Variants in NSUN4 observed in about 807,000 individuals in gnomAD.
NSUN4 encodes the protein 5-cytosine rRNA methyltransferase NSUN4.
Under a neutral mutation model 43.8 loss-of-function variants are expected in NSUN4, and 31 were observed. The ratio of observed to expected loss-of-function variants is 0.71; its 90% CI spans 0.53 to 0.96. The LOEUF is 0.96. Among genes scored for constraint, NSUN4 ranks in the 40% least tolerant of loss-of-function variants. The pLI is 0.00. For missense variants in NSUN4, 439 were observed against 475.6 expected (o/e 0.92, Z 0.72); for synonymous variants, 167 against 184.1 (o/e 0.91, Z 0.75).
chr1:46,361,967 T>C lies in NSUN4; in HGVS notation c.*121T>C, dbSNP rs1569773681. The C allele has an allele frequency of 1.1e-6, 1 of 891,862 alleles. No homozygotes were observed. Among genetic ancestry groups the C allele is most frequent in the African/African-American group, 1.7e-5 (1 of 59,596 alleles). The allele number at this position is 891,862 out of a possible 1,614,324, so 55.2% of individuals were successfully genotyped here. Reference sequence around the variant, plus strand: ...GTCCTGTCTCCATCCTGTTCGTGTCTTTCTGCAGTTTTCGGCAATAAGAAG... The same window carrying C: ...GTCCTGTCTCCATCCTGTTCGTGTCCTTCTGCAGTTTTCGGCAATAAGAAG... On this transcript the variant is annotated 3_prime_UTR_variant, in exon 6 of 6. Coordinates refer to ENST00000474844, the MANE Select transcript of NSUN4 (RefSeq NM_199044.4).
At chr1:46,348,709 C>CAAA (rs34999763) in intron 3 of NSUN4, among the ~76,000 whole-genome samples, 13 of 52,128 alleles carry the variant, frequency 2.5e-4, no homozygotes, top group Non-Finnish European at 3.2e-4. Flanking sequence ...AACTCTGTCT[C>CAAA]AAAAAAAAAA....
At chr1:46,382,266 C>T in the NSUN4 span, among the ~76,000 whole-genome samples, 1 of 152,250 alleles carries the variant, frequency 6.6e-6, no homozygotes, top group African/African-American at 2.4e-5. Flanking sequence ...CCGCACAAAG[C>T]ACTTACCTGT....
intron 3 of NSUN4, among the ~76,000 whole-genome samples, chr1:46,351,337 C>T (rs886657502): frequency 1.3e-5 from 2 of 152,152 alleles, no homozygotes; most frequent in Non-Finnish European, 2.9e-5. Context: ...GCACTCTAGC[C>T]TGGGCAACAA....
the NSUN4 span, among the ~76,000 whole-genome samples, chr1:46,383,447 T>G: frequency 1.5e-5 from 2 of 135,166 alleles, no homozygotes; most frequent in Admixed American, 7.3e-5. Context: ...TGTTGGCTGG[T>G]GTTTTTTTTT....
chr1:46,356,176 A>T (rs1663354330), intron 4 of NSUN4, among the ~76,000 whole-genome samples: 1 of 152,032 alleles, frequency 6.6e-6, no homozygotes, highest in Non-Finnish European at 1.5e-5. Context: ...GGCTTAAGTG[A>T]TCCTCCTACC....
intron 3 of NSUN4, among the ~76,000 whole-genome samples, chr1:46,351,112 T>G (rs956638282): frequency 7.2e-5 from 11 of 152,214 alleles, no homozygotes; most frequent in African/African-American, 2.7e-4. Context: ...ACACCTGTAA[T>G]CCCAGCACTT....
At chr1:46,361,056 A>G (rs1663832549) in intron 5 of NSUN4, among the ~76,000 whole-genome samples, 2 of 152,134 alleles carry the variant, frequency 1.3e-5, no homozygotes, top group Non-Finnish European at 2.9e-5. Context: ...CTGAGGGAGG[A>G]GAATCACTTG....
At chr1:46,378,851 C>T in the NSUN4 span, among the ~76,000 whole-genome samples, 1 of 152,198 alleles carries the variant, frequency 6.6e-6, no homozygotes, top group African/African-American at 2.4e-5. Context: ...GGCTTTTCTC[C>T]ACATGGCTTC....
chr1:46,363,679 A>T lies in NSUN4; in HGVS notation c.*1833A>T, dbSNP rs775755535. 7.9e-5 allele frequency: 12 copies of T among 152,670 alleles called. No individual in the cohort carries two copies. Among genetic ancestry groups the T allele is most frequent in the Non-Finnish European group, 1.5e-4 (10 of 68,052 alleles). 9.5% of individuals were successfully genotyped at this position (152,670 alleles called of 1,614,324 possible). A position where few individuals can be genotyped will look rare whatever the true frequency, so the allele number is the denominator to read the frequency against. On this transcript the variant is annotated 3_prime_UTR_variant, in exon 6 of 6. Coordinates refer to ENST00000474844, the MANE Select transcript of NSUN4 (RefSeq NM_199044.4). ...AAGAATATTCATAGCAACCCTATTC[A>T]CAAAAGCAAAAGCCTAGAAATAACC...
In NSUN4 at chr1:46,361,635, T is replaced by TA; in HGVS notation, c.945dup (p.Gln316ThrfsTer11). ...TATTCTACCTGCTCACTCTCACACT[T>TA]ACAGAACGAGTATGTGGTGCAAGGT... On this transcript the variant is annotated frameshift_variant, in exon 6 of 6. Coordinates refer to ENST00000474844, the MANE Select transcript of NSUN4 (RefSeq NM_199044.4). LOFTEE classifies it high-confidence loss of function. 1.2e-6 allele frequency: 2 copies of TA among 1,614,204 alleles called. No homozygotes were observed. Among genetic ancestry groups the TA allele is most frequent in the Non-Finnish European group, 1.7e-6 (2 of 1,180,034 alleles).
chr1:46,360,255 T>A (rs796373708), intron 4 of NSUN4, among the ~76,000 whole-genome samples: 6,817 of 24,966 alleles, frequency 0.27, 622 homozygotes, highest in Admixed American at 0.31. Context: ...AAAAAATATA[T>A]ATATATATAT....
the NSUN4 span, among the ~76,000 whole-genome samples, chr1:46,371,542 G>T: frequency 6.6e-6 from 1 of 152,068 alleles, no homozygotes; most frequent in Non-Finnish European, 1.5e-5. Flanking sequence ...TCCTGACCTC[G>T]TGATCCGCCC....
intron 1 of NSUN4, chr1:46,342,616 A>T (rs1203347043): frequency 5.0e-6 from 2 of 399,280 alleles, no homozygotes; most frequent in Non-Finnish European, 8.8e-6. Context: ...TGTTCCCAGG[A>T]ACCATCTCGT....
At chr1:46,378,104 G>T in the NSUN4 span, among the ~76,000 whole-genome samples, 1 of 151,932 alleles carries the variant, frequency 6.6e-6, no homozygotes, top group Non-Finnish European at 1.5e-5. Flanking sequence ...TCCCTATGTT[G>T]CCCAGGCTGG....
At chr1:46,345,257 G>A (rs1181428255) in intron 2 of NSUN4, 113 bp downstream of exon 2, 9 of 777,534 alleles carry the variant, frequency 1.2e-5, no homozygotes, top group East Asian at 1.0e-4. Flanking sequence ...AATATTTATG[G>A]CATGTTTATA....
chr1:46,367,962 G>A (rs1196322605), downstream of NSUN4, among the ~76,000 whole-genome samples: 6 of 151,582 alleles, frequency 4.0e-5, no homozygotes. Context: ...ATGGGGTTTC[G>A]CCATGTTGCC....
chr1:46,357,957 C>G (rs1379278464), intron 4 of NSUN4, among the ~76,000 whole-genome samples: 1 of 152,124 alleles, frequency 6.6e-6, no homozygotes, highest in South Asian at 2.1e-4. Flanking sequence ...CTCTGTTGTC[C>G]AAGTTGGAGT....
chr1:46,358,375 C>A (rs1165640609), intron 4 of NSUN4, among the ~76,000 whole-genome samples: 3 of 142,036 alleles, frequency 2.1e-5, no homozygotes, highest in Non-Finnish European at 3.0e-5. Context: ...GGATTATAGG[C>A]ATGAGCTACT....
chr1:46,376,253 C>CA, the NSUN4 span, among the ~76,000 whole-genome samples: 645 of 150,390 alleles, frequency 4.3e-3, 2 homozygotes, highest in Middle Eastern at 0.018. Flanking sequence ...ACTAAAAATA[C>CA]AAAAAAATAG....
Sources: gnomAD v4.1 joint callset for allele counts (sites outside exome capture counted in the v4.1 genomes callset) on GRCh38, gnomAD v4.1.1 for gene constraint, MANE v1.5 for transcripts, NCBI Gene and HGNC (gene_info 2026-07-23, HGNC 2026-07-21) for gene names.